Variants in SIRPD observed in about 807,000 individuals in gnomAD.
The protein encoded by SIRPD is signal-regulatory protein delta.
SIRPD carries 21 observed loss-of-function variants against 18.0 expected under a neutral mutation model. The observed-to-expected ratio is 1.17, with a 90% CI of 0.83 to 1.68. The LOEUF (loss-of-function observed/expected upper bound fraction) is 1.68. Among genes scored for constraint, SIRPD ranks in the 40% most tolerant of loss-of-function variants. SIRPD has a pLI of 0.00. For synonymous variants in SIRPD, 106 were observed against 92.9 expected, an observed-to-expected ratio of 1.14 and a Z score of -0.81; for missense variants, 295 against 238.4, an observed-to-expected ratio of 1.24 and a Z score of -1.56.
intron 2 of SIRPD, chr20:1,540,478 A>T (rs1313537416): frequency 5.7e-6 from 2 of 350,296 alleles, no homozygotes; most frequent in East Asian, 1.6e-4. Context: ...GAACATTTTT[A>T]TCATCTCAAA....
At chr20:1,548,861 T>G (rs544700808) in intron 2 of SIRPD, among the ~76,000 whole-genome samples, 14 of 152,244 alleles carry the variant, frequency 9.2e-5, no homozygotes, top group Admixed American at 2.0e-4. Context: ...CAGTCTCCGG[T>G]CCAGCTGACT....
Position 1,541,977 on chromosome 20 carries a change from A to G in SIRPD, c.422-4667T>C, listed in dbSNP as rs150557311. ...TGTGTGGTGTTATTTCTGAGGCCTC[A>G]GTTCTGTTCCATTGGTCTATATATC... On this transcript the variant is annotated intron_variant, in intron 2 of 3. Transcript: ENST00000381623. Among the ~76,000 whole-genome samples, 1,438 of 152,118 alleles carry G rather than the reference A, an allele frequency of 9.5e-3. 24 individuals carry two copies. Among genetic ancestry groups the G allele is most frequent in the African/African-American group, 0.034 (1,404 of 41,498 alleles).
chr20:1,554,425 A>G (rs1346983742), intron 1 of SIRPD: 1 of 152,594 alleles, frequency 6.6e-6, no homozygotes, highest in East Asian at 1.9e-4. Flanking sequence ...GGCACCAGTC[A>G]TATAAAAATT....
chr20:1,537,950 A>G (rs1240731422), intron 2 of SIRPD, among the ~76,000 whole-genome samples: 1 of 152,114 alleles, frequency 6.6e-6, no homozygotes, highest in African/African-American at 2.4e-5. Context: ...CGCAGCTGGG[A>G]GGAGGAGGGG....
chr20:1,540,970 A>C (rs1433595101), intron 2 of SIRPD, among the ~76,000 whole-genome samples: 1 of 152,164 alleles, frequency 6.6e-6, no homozygotes, highest in Non-Finnish European at 1.5e-5. Flanking sequence ...ACATAAACTC[A>C]TTCTTTTTTA....
At chr20:1,549,458 A>ATC (rs774136603) in intron 2 of SIRPD, among the ~76,000 whole-genome samples, 47 of 151,546 alleles carry the variant, frequency 3.1e-4, no homozygotes, top group Admixed American at 1.1e-3. Context: ...GACATCTTAG[A>ATC]TAATACATTG....
intron 1 of SIRPD, among the ~76,000 whole-genome samples, chr20:1,552,832 G>A (rs113200157): frequency 0.01 from 1,574 of 152,186 alleles, 22 homozygotes; most frequent in African/African-American, 0.033. Context: ...GGTAATGGTA[G>A]GAAGGCAGCC....
intron 2 of SIRPD, among the ~76,000 whole-genome samples, chr20:1,546,950 T>G (rs2090996116): frequency 6.6e-6 from 1 of 152,240 alleles, no homozygotes; most frequent in Admixed American, 6.5e-5. Context: ...GCAAATATTT[T>G]TCCCATTCTG....
chr20:1,536,855 T>C (rs758023836), intron 3 of SIRPD, among the ~76,000 whole-genome samples: 37 of 152,036 alleles, frequency 2.4e-4, no homozygotes, highest in Non-Finnish European at 5.4e-4. Flanking sequence ...CGTGGAACCT[T>C]CACAGGACAT....
chr20:1,537,110 G>A (rs2090949063), intron 3 of SIRPD, 45 bp downstream of exon 3: 1 of 1,595,992 alleles, frequency 6.3e-7, no homozygotes. Context: ...GCCAAACTCA[G>A]GAGAGCATCC....
intron 1 of SIRPD, among the ~76,000 whole-genome samples, chr20:1,556,990 C>T (rs563971498): frequency 1.3e-5 from 2 of 152,152 alleles, no homozygotes; most frequent in Non-Finnish European, 2.9e-5. Flanking sequence ...TGGTGGCTCA[C>T]GCCTATAATG....
chr20:1,555,518 G>A (rs1236236021), intron 1 of SIRPD, among the ~76,000 whole-genome samples: 1 of 152,146 alleles, frequency 6.6e-6, no homozygotes, highest in Non-Finnish European at 1.5e-5. Flanking sequence ...AAGTATGTGA[G>A]GTGATGGATA....
chr20:1,537,297 T>A lies in SIRPD; in HGVS notation c.435A>T (p.Arg145Ser), dbSNP rs375031700. ...TGCCTGCAGGTCTGTTCTTGGGAGGTCTTGGATTCTGCTCTGCTGAGAGAG... is the reference window on the plus strand; with the variant it reads ...TGCCTGCAGGTCTGTTCTTGGGAGGACTTGGATTCTGCTCTGCTGAGAGAG... ...TQVFVTEQNPRPPKNRPAGRA... is the reference protein window; with the variant it reads ...TQVFVTEQNPSPPKNRPAGRA... Residue 145 changes from arginine to serine, a missense_variant, in exon 3 of 4, where the codon AGA becomes AGT. Transcript: ENST00000381623. 9.9e-6 allele frequency: 16 copies of A among 1,613,404 alleles called. No individual in the cohort carries two copies. Among genetic ancestry groups the A allele is most frequent in the Admixed American group, 1.7e-5 (1 of 59,950 alleles).
intron 2 of SIRPD, among the ~76,000 whole-genome samples, chr20:1,545,928 C>T (rs962206036): frequency 6.6e-6 from 1 of 152,206 alleles, no homozygotes; most frequent in African/African-American, 2.4e-5. Context: ...ATCCTGTTTT[C>T]GTGGGTATCA....
chr20:1,539,761 T>G (rs1324685489), intron 2 of SIRPD, among the ~76,000 whole-genome samples: 2 of 152,240 alleles, frequency 1.3e-5, no homozygotes, highest in Non-Finnish European at 2.9e-5. Flanking sequence ...GAGAAGCAGC[T>G]GCCATGTTGT....
intron 3 of SIRPD, among the ~76,000 whole-genome samples, chr20:1,534,757 C>G (rs1362134414): frequency 4.6e-5 from 7 of 152,180 alleles, no homozygotes; most frequent in Non-Finnish European, 8.8e-5. Context: ...CAAAATACCC[C>G]CTGTCCATTG....
Position 1,554,858 on chromosome 20 carries a change from T to A in SIRPD, c.73+2723A>T, listed in dbSNP as rs79303196. ...CACAACTGGTTTTTGGAGTGTAGGA[T>A]TATCTTAGATATTACAATGGTTGGT... On this transcript the variant is annotated intron_variant, in intron 1 of 3. Transcript: ENST00000381623. 9.1e-3 allele frequency among the ~76,000 whole-genome samples: 1,389 copies of A among 152,272 alleles called. 22 individuals are homozygous for A. Among genetic ancestry groups the A allele is most frequent in the African/African-American group, 0.033 (1,355 of 41,550 alleles).
intron 2 of SIRPD, among the ~76,000 whole-genome samples, chr20:1,548,514 G>A (rs1371143860): frequency 6.6e-6 from 1 of 151,992 alleles, no homozygotes; most frequent in Non-Finnish European, 1.5e-5. Flanking sequence ...CAGTTTGCTA[G>A]TATTTTCTTA....
At chr20:1,555,237 T>A (rs1039896346) in intron 1 of SIRPD, among the ~76,000 whole-genome samples, 1 of 152,210 alleles carries the variant, frequency 6.6e-6, no homozygotes, top group Non-Finnish European at 1.5e-5. Context: ...AAATACCACA[T>A]GATCTTGCTT....
Sources: allele counts gnomAD v4.1 joint callset (sites outside exome capture counted in the v4.1 genomes callset), GRCh38; gene constraint gnomAD v4.1.1; transcripts MANE v1.5; gene names NCBI Gene and HGNC (gene_info 2026-07-23, HGNC 2026-07-21).